Variants in CNTN5 observed in about 807,000 individuals in gnomAD.
CNTN5 encodes the protein contactin-5.
Under a neutral mutation model 129.1 loss-of-function variants are expected in CNTN5, and 77 were observed. The ratio of observed to expected loss-of-function variants is 0.60; its 90% CI spans 0.50 to 0.72. The LOEUF is 0.72. Among genes scored for constraint, CNTN5 ranks in the 30% least tolerant of loss-of-function variants. CNTN5 has a pLI of 0.00. For synonymous variants in CNTN5, 509 were observed against 465.6 expected, an observed-to-expected ratio of 1.09 and a Z score of -1.20; for missense variants, 1,478 against 1,328.8, an observed-to-expected ratio of 1.11 and a Z score of -1.75.
intron 1 of CNTN5, among the ~76,000 whole-genome samples, chr11:99,278,152 C>T (rs1490903200): frequency 6.6e-6 from 1 of 151,572 alleles, no homozygotes; most frequent in Non-Finnish European, 1.5e-5. Flanking sequence ...TTTCCTTTAG[C>T]AAAACGAGAA....
intron 2 of CNTN5, among the ~76,000 whole-genome samples, chr11:99,336,436 T>C (rs1229248998): frequency 1.3e-5 from 2 of 152,186 alleles, no homozygotes; most frequent in Non-Finnish European, 2.9e-5. Flanking sequence ...AGTAATTCTG[T>C]GTAATTCACA....
chr11:99,515,379 T>G (rs1208363375), intron 2 of CNTN5, among the ~76,000 whole-genome samples: 1 of 152,080 alleles, frequency 6.6e-6, no homozygotes, highest in African/African-American at 2.4e-5. Context: ...GTTCTGAATA[T>G]TTGAAATACT....
In CNTN5 at chr11:99,135,358, G is replaced by A. The variant is rs564297486; in HGVS notation, c.-210+114088G>A. On this transcript the variant is annotated intron_variant, in intron 1 of 24. Coordinates refer to ENST00000524871, the MANE Select transcript of CNTN5 (RefSeq NM_014361.4). ...TAACTCATGGAGAAAAATGATAGGT[G>A]ATAATTGATAATTAAAAGAAGTCAA... 9.2e-5 allele frequency among the ~76,000 whole-genome samples: 14 copies of A among 152,264 alleles called. No homozygotes were observed. In the South Asian group the frequency reaches 2.7e-3, roughly 29 times the overall value.
rs115644909 is a variant in CNTN5 at position 100,336,803 on chromosome 11, G to T, written c.2731-3660G>T. The T allele has an allele frequency of 5.3e-3, 1,939 of 364,328 alleles. 31 individuals carry two copies. Among genetic ancestry groups the T allele is most frequent in the African/African-American group, 0.037 (1,799 of 48,340 alleles). 22.6% of individuals were successfully genotyped at this position (364,328 alleles called of 1,614,324 possible). On this transcript the variant is annotated intron_variant, in intron 21 of 24. Coordinates refer to ENST00000524871, the MANE Select transcript of CNTN5 (RefSeq NM_014361.4). ...GCCTCCGGATTCTGAGGTGTTCTGC[G>T]ACTTCCCCAGACCCTAACCTTCCCG...
chr11:100,136,593 AT>A (rs1252176988), intron 13 of CNTN5, among the ~76,000 whole-genome samples: 2 of 152,064 alleles, frequency 1.3e-5, no homozygotes, highest in Admixed American at 6.6e-5. Context: ...TACAAAAAAA[AT>A]CATATGAATA....
intron 13 of CNTN5, among the ~76,000 whole-genome samples, chr11:100,090,636 G>C (rs1169958743): frequency 6.7e-6 from 1 of 149,564 alleles, no homozygotes; most frequent in South Asian, 2.1e-4. Flanking sequence ...GGAAGTCCCA[G>C]TACAAGCTAC....
intron 16 of CNTN5, among the ~76,000 whole-genome samples, chr11:100,251,405 C>T (rs1237244164): frequency 1.3e-5 from 2 of 152,060 alleles, no homozygotes; most frequent in East Asian, 3.9e-4. Context: ...TCATCTTAAA[C>T]ATTTATCTTT....
chr11:99,522,952 C>A (rs1279376432), intron 2 of CNTN5, among the ~76,000 whole-genome samples: 3 of 152,158 alleles, frequency 2.0e-5, no homozygotes, highest in African/African-American at 7.2e-5. Context: ...ATAACCTCTC[C>A]CTGTACACAC....
intron 2 of CNTN5, among the ~76,000 whole-genome samples, chr11:99,511,878 A>G (rs1321670981): frequency 6.6e-6 from 1 of 151,820 alleles, no homozygotes; most frequent in East Asian, 1.9e-4. Context: ...TTGCATAAAA[A>G]AAGAAAAATA....
At chr11:99,154,321 G>C (rs1290965873) in intron 1 of CNTN5, among the ~76,000 whole-genome samples, 1 of 152,182 alleles carries the variant, frequency 6.6e-6, no homozygotes, top group Admixed American at 6.5e-5. Flanking sequence ...GTTATCACTT[G>C]AGACACCAGT....
At chr11:99,787,812 A>G (rs563093833) in intron 3 of CNTN5, among the ~76,000 whole-genome samples, 55 of 152,094 alleles carry the variant, frequency 3.6e-4, no homozygotes, top group African/African-American at 1.3e-3. Flanking sequence ...ATCTCTCGTG[A>G]CCTCATTCTA....
At chr11:99,082,155 C>T (rs1434222520) in intron 1 of CNTN5, among the ~76,000 whole-genome samples, 1 of 150,072 alleles carries the variant, frequency 6.7e-6, no homozygotes, top group Non-Finnish European at 1.5e-5. Context: ...CCAGTGGTGC[C>T]TAATCATTGT....
chr11:100,039,173 A>C (rs540471166), intron 9 of CNTN5, among the ~76,000 whole-genome samples: 1 of 152,320 alleles, frequency 6.6e-6, no homozygotes, highest in East Asian at 1.9e-4. Context: ...GGTAGTGACA[A>C]AATCTCTCCA....
At chr11:99,673,850 C>A (rs1323428291) in intron 3 of CNTN5, among the ~76,000 whole-genome samples, 1 of 152,032 alleles carries the variant, frequency 6.6e-6, no homozygotes. Context: ...GTCAGTCTAT[C>A]ATTGATGAGC....
chr11:99,988,108 C>T (rs139572965), intron 8 of CNTN5, among the ~76,000 whole-genome samples: 23 of 152,230 alleles, frequency 1.5e-4, no homozygotes, highest in African/African-American at 5.5e-4. Context: ...CTTTGAAATC[C>T]ACAAGAGTTT....
chr11:99,871,465 A>G (rs1948500955), intron 6 of CNTN5, among the ~76,000 whole-genome samples: 1 of 152,094 alleles, frequency 6.6e-6, no homozygotes, highest in Non-Finnish European at 1.5e-5. Flanking sequence ...TTCTTTCAAG[A>G]TTAATCATCA....
At chr11:100,270,851 G>C (rs77768062) in intron 17 of CNTN5, among the ~76,000 whole-genome samples, 16 of 152,178 alleles carry the variant, frequency 1.1e-4, no homozygotes, top group African/African-American at 2.4e-5. Flanking sequence ...GGTGAGGTTT[G>C]TGTAAAGATA....
intron 6 of CNTN5, among the ~76,000 whole-genome samples, chr11:99,853,836 GAAAA>G (rs768661471): frequency 6.7e-6 from 1 of 148,384 alleles, no homozygotes; most frequent in Non-Finnish European, 1.5e-5. Flanking sequence ...TATAAGTGGA[GAAAA>G]AAAAAATGAA....
chr11:99,212,629 C>T (rs751351901), intron 1 of CNTN5, among the ~76,000 whole-genome samples: 43 of 152,102 alleles, frequency 2.8e-4, no homozygotes, highest in Admixed American at 1.4e-3. Context: ...TATCACTACC[C>T]ACCCTTTATT....
Sources: gnomAD v4.1 joint callset for allele counts (sites outside exome capture counted in the v4.1 genomes callset) on GRCh38, gnomAD v4.1.1 for gene constraint, MANE v1.5 for transcripts, NCBI Gene and HGNC (gene_info 2026-07-23, HGNC 2026-07-21) for gene names.